Variants in CDKL1 observed in about 807,000 individuals in gnomAD.
CDKL1 encodes the protein cyclin dependent kinase like 1.
In CDKL1, 41 loss-of-function variants were observed where a neutral mutation model predicts 42.0. The ratio of observed to expected loss-of-function variants is 0.98; its 90% CI spans 0.76 to 1.27. CDKL1 has a LOEUF of 1.27. Among genes scored for constraint, CDKL1 ranks in the 50% most tolerant of loss-of-function variants. The probability of loss-of-function intolerance (pLI) is 0.00; values close to 1 mark genes in which losing one functional copy is unlikely to be tolerated. For synonymous variants in CDKL1, 153 were observed against 158.6 expected, an observed-to-expected ratio of 0.96 and a Z score of 0.26; for missense variants, 394 against 428.4, an observed-to-expected ratio of 0.92 and a Z score of 0.71.
At chr14:50,386,249 T>C (rs1223487567) in intron 2 of CDKL1, among the ~76,000 whole-genome samples, 1 of 151,848 alleles carries the variant, frequency 6.6e-6, no homozygotes, top group Non-Finnish European at 1.5e-5. Flanking sequence ...CCGGGCAACA[T>C]AGTAAAATCC....
intron 2 of CDKL1, among the ~76,000 whole-genome samples, chr14:50,376,722 T>A (rs890807975): frequency 1.3e-5 from 2 of 152,254 alleles, no homozygotes; most frequent in Non-Finnish European, 1.5e-5. Context: ...ACTTGTCATA[T>A]ATTATTGTTA....
At chr14:50,371,668 T>C (rs2034594523) in intron 2 of CDKL1, among the ~76,000 whole-genome samples, 1 of 152,220 alleles carries the variant, frequency 6.6e-6, no homozygotes, top group South Asian at 2.1e-4. Context: ...GTGTGCTCCC[T>C]GGAGCTGGCA....
intron 3 of CDKL1, among the ~76,000 whole-genome samples, chr14:50,354,691 G>T (rs540063244): frequency 6.6e-6 from 1 of 152,194 alleles, no homozygotes; most frequent in Non-Finnish European, 1.5e-5. Flanking sequence ...TCATGTTACT[G>T]TAACAGGATA....
intron 6 of CDKL1, among the ~76,000 whole-genome samples, chr14:50,339,504 G>T (rs1205175205): frequency 2.2e-5 from 3 of 138,230 alleles, no homozygotes; most frequent in African/African-American, 7.9e-5. Flanking sequence ...ATTTGAAGAA[G>T]GAAGAGAGGG....
upstream of CDKL1, chr14:50,397,164 G>T (rs764258189): frequency 7.3e-7 from 1 of 1,366,414 alleles, no homozygotes; most frequent in Non-Finnish European, 9.8e-7. Flanking sequence ...AGACGCCTGC[G>T]CTAGGAGCCC....
intron 2 of CDKL1, among the ~76,000 whole-genome samples, chr14:50,380,945 G>A (rs985353618): frequency 6.6e-6 from 1 of 152,102 alleles, no homozygotes. Context: ...GTGACTACAG[G>A]TGGGCACCAC....
At chr14:50,394,577 GT>G (rs1292471434) in intron 2 of CDKL1, among the ~76,000 whole-genome samples, 1 of 152,202 alleles carries the variant, frequency 6.6e-6, no homozygotes, top group African/African-American at 2.4e-5. Context: ...TCCCCTGGAA[GT>G]TTCATTCATC....
chr14:50,396,317 G>A lies in CDKL1; in HGVS notation c.-449C>T, dbSNP rs2139565627. On this transcript the variant is annotated 5_prime_UTR_variant, in exon 2 of 10. Coordinates refer to ENST00000395834, the MANE Select transcript of CDKL1 (RefSeq NM_004196.7). ...ACTAGAGCCCCACCCAACGATGAGT[G>A]TTTGTCACGGTCCTAGAACAGAACA... 1 of 1,008,304 alleles carries A rather than the reference G, an allele frequency of 9.9e-7. No homozygotes were observed. The highest frequency in any genetic ancestry group is 5.5e-5 in the Admixed American group (1 of 18,104). The allele number at this position is 1,008,304 out of a possible 1,614,324, so 62.5% of individuals were successfully genotyped here.
intron 2 of CDKL1, among the ~76,000 whole-genome samples, chr14:50,387,339 T>C (rs1056412333): frequency 1.3e-5 from 2 of 151,878 alleles, no homozygotes; most frequent in Non-Finnish European, 2.9e-5. Context: ...CTGTCCAACA[T>C]GGTGAAACCC....
At chr14:50,388,378 C>T (rs2035149520) in intron 2 of CDKL1, among the ~76,000 whole-genome samples, 1 of 152,222 alleles carries the variant, frequency 6.6e-6, no homozygotes, top group Admixed American at 6.5e-5. Flanking sequence ...GGATAACAGG[C>T]AACCTTGACA....
chr14:50,388,910 C>T (rs1287652136), intron 2 of CDKL1, among the ~76,000 whole-genome samples: 2 of 151,738 alleles, frequency 1.3e-5, no homozygotes, highest in Non-Finnish European at 2.9e-5. Context: ...CCAGCCCGGA[C>T]AACACAGTGA....
intron 2 of CDKL1, among the ~76,000 whole-genome samples, chr14:50,369,262 T>C (rs1339207221): frequency 6.6e-6 from 1 of 152,244 alleles, no homozygotes; most frequent in East Asian, 1.9e-4. Context: ...GTAGACTCTG[T>C]GGCACTTATG....
intron 2 of CDKL1, among the ~76,000 whole-genome samples, chr14:50,388,369 G>C (rs1310054406): frequency 6.6e-6 from 1 of 152,206 alleles, no homozygotes; most frequent in African/African-American, 2.4e-5. Flanking sequence ...AAATGCTTTG[G>C]ATAACAGGCA....
intron 2 of CDKL1, among the ~76,000 whole-genome samples, chr14:50,393,044 C>T (rs1369090955): frequency 6.6e-6 from 1 of 152,200 alleles, no homozygotes; most frequent in African/African-American, 2.4e-5. Flanking sequence ...TTGGCTAAGA[C>T]ACTGGGTTAT....
In CDKL1 at chr14:50,396,210, A is replaced by T; in HGVS notation, c.-342T>A. 12 of 998,836 alleles carry T rather than the reference A, an allele frequency of 1.2e-5. No individual in the cohort carries two copies. Among genetic ancestry groups the T allele is most frequent in the Non-Finnish European group, 1.4e-5 (12 of 840,668 alleles). 61.9% of individuals were successfully genotyped at this position (998,836 alleles called of 1,614,324 possible). A position where few individuals can be genotyped will look rare whatever the true frequency, so the allele number is the denominator to read the frequency against. On this transcript the variant is annotated 5_prime_UTR_variant, in exon 2 of 10. Transcript: ENST00000395834. ...CAAAAAAAAAAAAAAAAAAAAAAAA[A>T]AAAGAAAGAAAGAAAAGAAAAGAAA...
intron 2 of CDKL1, among the ~76,000 whole-genome samples, chr14:50,373,637 T>C (rs551908545): frequency 2.5e-4 from 38 of 152,278 alleles, no homozygotes; most frequent in Admixed American, 2.3e-3. Context: ...GAAGAAGATA[T>C]AATACAGATG....
chr14:50,358,632 T>G (rs1233226781), intron 3 of CDKL1, among the ~76,000 whole-genome samples: 1 of 128,588 alleles, frequency 7.8e-6, no homozygotes. Flanking sequence ...TGTTTTTAAC[T>G]AGTCTTTTTT....
intron 2 of CDKL1, among the ~76,000 whole-genome samples, chr14:50,370,024 C>A (rs1290804668): frequency 6.6e-6 from 1 of 151,584 alleles, no homozygotes; most frequent in Non-Finnish European, 1.5e-5. Context: ...CAAATACTTA[C>A]CTTTTTTTTT....
intron 2 of CDKL1, among the ~76,000 whole-genome samples, chr14:50,360,316 T>C (rs899294603): frequency 2.0e-5 from 3 of 152,158 alleles, no homozygotes; most frequent in African/African-American, 7.2e-5. Context: ...CCAGAACTCT[T>C]TTCACTTGCA....
Sources: gnomAD v4.1 joint callset for allele counts (sites outside exome capture counted in the v4.1 genomes callset) on GRCh38, gnomAD v4.1.1 for gene constraint, MANE v1.5 for transcripts, NCBI Gene and HGNC (gene_info 2026-07-23, HGNC 2026-07-21) for gene names.